LRMDA: variants seen among roughly 807,000 people sequenced by gnomAD.
LRMDA encodes the protein leucine rich melanocyte differentiation associated.
A neutral mutation model predicts 29.8 loss-of-function variants in LRMDA; 18 were observed. The observed-to-expected ratio is 0.60, with a 90% CI of 0.42 to 0.90. The LOEUF (loss-of-function observed/expected upper bound fraction) is 0.90, where lower values mean the gene tolerates loss of function less well. Among genes scored for constraint, LRMDA ranks in the 40% least tolerant of loss-of-function variants. LRMDA has a pLI of 0.00. For missense variants in LRMDA, 273 were observed against 273.9 expected (o/e 1.00, Z 0.02); for synonymous variants, 125 against 109.4 (o/e 1.14, Z -0.89).
chr10:75,978,289 C>G (rs918524099), intron 2 of LRMDA, among the ~76,000 whole-genome samples: 5 of 152,204 alleles, frequency 3.3e-5, no homozygotes, highest in African/African-American at 1.2e-4. Context: ...ATGAGGAACC[C>G]TGGTTCCCTC....
chr10:76,349,400 G>T (rs1374138574), intron 6 of LRMDA, among the ~76,000 whole-genome samples: 2 of 152,028 alleles, frequency 1.3e-5, no homozygotes, highest in African/African-American at 4.8e-5. Context: ...TGCCACTCCT[G>T]CTATATGTAT....
chr10:75,568,987 G>GAC (rs1161938760), intron 2 of LRMDA, among the ~76,000 whole-genome samples: 1 of 152,150 alleles, frequency 6.6e-6, no homozygotes, highest in Non-Finnish European at 1.5e-5. Flanking sequence ...ATATCTGTGT[G>GAC]ACAGAGCACT....
chr10:75,745,510 T>C (rs1842880980), intron 2 of LRMDA, among the ~76,000 whole-genome samples: 2 of 152,218 alleles, frequency 1.3e-5, no homozygotes, highest in Non-Finnish European at 2.9e-5. Flanking sequence ...ACACTATATT[T>C]TGGAATAATT....
In LRMDA at chr10:76,138,130, A is replaced by G. The variant is rs142043316; in HGVS notation, c.516+79347A>G. ...AAAATTATGGCTGAAACACAGAGCCATGTTCTAATGATGAAGGGCTGCAAT... is the reference window on the plus strand; with the variant it reads ...AAAATTATGGCTGAAACACAGAGCCGTGTTCTAATGATGAAGGGCTGCAAT... On this transcript the variant is annotated intron_variant, in intron 5 of 6. Coordinates refer to ENST00000611255, the MANE Select transcript of LRMDA (RefSeq NM_001305581.2). 2.8e-3 allele frequency among the ~76,000 whole-genome samples: 426 copies of G among 152,306 alleles called. 3 individuals are homozygous for G. Among genetic ancestry groups the G allele is most frequent in the Middle Eastern group, 6.8e-3 (2 of 294 alleles).
At position 75,923,929 on chromosome 10, in the gene LRMDA, A is replaced by T. The variant is rs183955000; in HGVS notation, c.132-112079A>T. 3.4e-3 allele frequency among the ~76,000 whole-genome samples: 524 copies of T among 152,308 alleles called. 2 individuals are homozygous for T. The highest frequency in any genetic ancestry group is 0.024 in the Middle Eastern group (7 of 294). On this transcript the variant is annotated intron_variant, in intron 2 of 6. Transcript: ENST00000611255. ...CCAAAGTGATTTAATAGAAAAGGTAATTCCTATTCAAACGGGATAGTCCCT... is the reference window on the plus strand; with the variant it reads ...CCAAAGTGATTTAATAGAAAAGGTATTTCCTATTCAAACGGGATAGTCCCT...
At chr10:75,868,860 A>G (rs1845062682) in intron 2 of LRMDA, among the ~76,000 whole-genome samples, 1 of 152,138 alleles carries the variant, frequency 6.6e-6, no homozygotes, top group South Asian at 2.1e-4. Flanking sequence ...GGTCCTTAAC[A>G]CATGCAGCTC....
chr10:76,101,180 A>G (rs1190839042), intron 5 of LRMDA, among the ~76,000 whole-genome samples: 1 of 152,218 alleles, frequency 6.6e-6, no homozygotes, highest in Admixed American at 6.5e-5. Context: ...TTACAAAAGT[A>G]TCTATTTATG....
chr10:76,405,849 T>C lies in LRMDA; in HGVS notation c.601+81364T>C, dbSNP rs1841897072. Among the ~76,000 whole-genome samples the C allele has an allele frequency of 3.3e-5, 5 of 152,346 alleles. No individual in the cohort carries two copies. In the South Asian group the frequency reaches 1.0e-3, roughly 32 times the overall value. On this transcript the variant is annotated intron_variant, in intron 6 of 6. Transcript: ENST00000611255. ...TTCCTTTTCTGTGTCTCTTGTTTTATCTTTCTCTCTCTGTGTCATACTTTT... is the reference window on the plus strand; with the variant it reads ...TTCCTTTTCTGTGTCTCTTGTTTTACCTTTCTCTCTCTGTGTCATACTTTT...
chr10:76,079,782 A>G (rs1459687009), intron 5 of LRMDA, among the ~76,000 whole-genome samples: 1 of 152,240 alleles, frequency 6.6e-6, no homozygotes, highest in Admixed American at 6.5e-5. Context: ...GTTCTTAAAA[A>G]GAATGCTCTG....
chr10:76,266,155 T>G (rs1267823195), intron 5 of LRMDA, among the ~76,000 whole-genome samples: 1 of 152,138 alleles, frequency 6.6e-6, no homozygotes, highest in Non-Finnish European at 1.5e-5. Context: ...ACCGGGATAA[T>G]AAAAAAGTGT....
intron 5 of LRMDA, among the ~76,000 whole-genome samples, chr10:76,079,345 C>T (rs954203271): frequency 6.6e-6 from 1 of 152,122 alleles, no homozygotes; most frequent in African/African-American, 2.4e-5. Flanking sequence ...GTTGGGTGTG[C>T]AGTTTTGCAC....
At chr10:76,467,988 T>G (rs1378427256) in intron 6 of LRMDA, among the ~76,000 whole-genome samples, 1 of 152,214 alleles carries the variant, frequency 6.6e-6, no homozygotes, top group African/African-American at 2.4e-5. Flanking sequence ...ATCTTTCCAA[T>G]GTCAACAGTC....
chr10:75,642,082 G>T (rs1841461115), intron 2 of LRMDA, among the ~76,000 whole-genome samples: 1 of 152,132 alleles, frequency 6.6e-6, no homozygotes, highest in East Asian at 1.9e-4. Context: ...CATTACGTTG[G>T]GTTCTGTTGG....
At chr10:75,499,100 G>C (rs761765360) in intron 2 of LRMDA, among the ~76,000 whole-genome samples, 1 of 152,136 alleles carries the variant, frequency 6.6e-6, no homozygotes, top group Admixed American at 6.5e-5. Flanking sequence ...CTGGAGCCTG[G>C]AATCTAGACA....
At chr10:76,275,412 CT>C (rs1211517875) in intron 5 of LRMDA, among the ~76,000 whole-genome samples, 1 of 151,638 alleles carries the variant, frequency 6.6e-6, no homozygotes, top group African/African-American at 2.4e-5. Flanking sequence ...ATTTTGGGGA[CT>C]TTTTTAAGTA....
At chr10:75,823,719 T>C (rs1486513236) in intron 2 of LRMDA, among the ~76,000 whole-genome samples, 2 of 125,620 alleles carry the variant, frequency 1.6e-5, no homozygotes, top group African/African-American at 2.6e-5. Context: ...TGTGTGTGTG[T>C]GTGTGTGTGT....
chr10:76,204,075 G>T (rs1851487440), intron 5 of LRMDA, among the ~76,000 whole-genome samples: 1 of 134,504 alleles, frequency 7.4e-6, no homozygotes, highest in Non-Finnish European at 1.5e-5. Flanking sequence ...TCTATTCCAT[G>T]TGCCTGTCCA....
chr10:76,537,512 A>T (rs1320685102), intron 6 of LRMDA, among the ~76,000 whole-genome samples: 1 of 152,080 alleles, frequency 6.6e-6, no homozygotes, highest in East Asian at 1.9e-4. Context: ...CCCAAAGGAA[A>T]ATTTTGTTTT....
chr10:75,601,939 T>C (rs1005175947), intron 2 of LRMDA, among the ~76,000 whole-genome samples: 2 of 152,214 alleles, frequency 1.3e-5, no homozygotes, highest in African/African-American at 4.8e-5. Context: ...GTATACTACT[T>C]CAAAAGCTTA....
Sources: allele counts gnomAD v4.1 joint callset (sites outside exome capture counted in the v4.1 genomes callset), GRCh38; gene constraint gnomAD v4.1.1; transcripts MANE v1.5; gene names NCBI Gene and HGNC (gene_info 2026-07-23, HGNC 2026-07-21).